The following LYPLA1 variants were observed in gnomAD, a reference collection of about 807,000 sequenced individuals.
LYPLA1 encodes the protein acyl-protein thioesterase 1.
Under a neutral mutation model 34.0 loss-of-function variants are expected in LYPLA1, and 17 were observed. That is an observed-to-expected ratio of 0.50 (90% confidence interval 0.34 to 0.75). The LOEUF is 0.75. Ranked by LOEUF, LYPLA1 falls within the 30% of genes least tolerant of loss-of-function variation. The pLI, the probability that LYPLA1 is intolerant of heterozygous loss-of-function variation, is 0.01. For missense variants in LYPLA1, 203 were observed against 288.8 expected (o/e 0.70, Z 2.15); for synonymous variants, 98 against 100.8 (o/e 0.97, Z 0.17).
At chr8:54,079,791 T>C (rs1240532762) in intron 2 of LYPLA1, among the ~76,000 whole-genome samples, 1 of 151,774 alleles carries the variant, frequency 6.6e-6, no homozygotes, top group African/African-American at 2.4e-5. Context: ...TGAGACCTCG[T>C]TTCCCCCTGA....
At chr8:54,094,684 AG>A (rs1809548083) in intron 2 of LYPLA1, among the ~76,000 whole-genome samples, 1 of 152,202 alleles carries the variant, frequency 6.6e-6, no homozygotes, top group South Asian at 2.1e-4. Flanking sequence ...AAAAGGAACC[AG>A]GGTTCTTGGA....
chr8:54,061,079 CA>C (rs1806589409), intron 5 of LYPLA1, among the ~76,000 whole-genome samples: 1 of 151,602 alleles, frequency 6.6e-6, no homozygotes, highest in Admixed American at 6.6e-5. Context: ...GATAACTGGC[CA>C]AAACTATTTT....
chr8:54,098,837 T>C (rs188843019), intron 2 of LYPLA1, among the ~76,000 whole-genome samples: 91 of 152,312 alleles, frequency 6.0e-4, no homozygotes, highest in Non-Finnish European at 1.2e-3. Context: ...GACTACAATA[T>C]CTTAAGTATT....
At chr8:54,096,158 C>A (rs748448450) in intron 2 of LYPLA1, among the ~76,000 whole-genome samples, 2 of 152,094 alleles carry the variant, frequency 1.3e-5, no homozygotes, top group Non-Finnish European at 2.9e-5. Flanking sequence ...TTTAATAGTT[C>A]AGAAATATTA....
At chr8:54,053,440 C>A in intron 6 of LYPLA1, 1 of 344,334 alleles carries the variant, frequency 2.9e-6, no homozygotes, top group Non-Finnish European at 5.8e-6. Flanking sequence ...ATAATAATAA[C>A]TATTTAGCAG....
intron 2 of LYPLA1, among the ~76,000 whole-genome samples, chr8:54,094,041 C>A (rs1809498560): frequency 6.6e-6 from 1 of 152,208 alleles, no homozygotes; most frequent in African/African-American, 2.4e-5. Flanking sequence ...ATTACGGTCA[C>A]AAAACATATC....
At chr8:54,072,616 T>C (rs1274216668) in intron 2 of LYPLA1, among the ~76,000 whole-genome samples, 2 of 151,406 alleles carry the variant, frequency 1.3e-5, no homozygotes, top group African/African-American at 4.9e-5. Context: ...GCTTCCACTT[T>C]ACTGTTAAAA....
At chr8:54,096,771 T>C (rs1219040095) in intron 2 of LYPLA1, among the ~76,000 whole-genome samples, 4 of 148,058 alleles carry the variant, frequency 2.7e-5, no homozygotes, top group Admixed American at 2.7e-4. Context: ...TAGCCGGGTG[T>C]GGCGGCACGC....
intron 2 of LYPLA1, among the ~76,000 whole-genome samples, chr8:54,099,788 A>T (rs1055893859): frequency 2.0e-5 from 3 of 151,340 alleles, no homozygotes; most frequent in Admixed American, 2.0e-4. Flanking sequence ...GGTTCAAGTG[A>T]TTCTCTTCTC....
At chr8:54,097,418 C>T (rs1017285048) in intron 2 of LYPLA1, among the ~76,000 whole-genome samples, 2 of 151,976 alleles carry the variant, frequency 1.3e-5, no homozygotes, top group Non-Finnish European at 2.9e-5. Context: ...GGAATTGTTC[C>T]AGATTAAAAG....
At chr8:54,052,236 A>T (rs959847817) in intron 7 of LYPLA1, among the ~76,000 whole-genome samples, 1 of 152,220 alleles carries the variant, frequency 6.6e-6, no homozygotes, top group African/African-American at 2.4e-5. Flanking sequence ...CTAATATAAG[A>T]TTTGTGACAA....
intron 8 of LYPLA1, among the ~76,000 whole-genome samples, chr8:54,050,026 G>A (rs1489054722): frequency 2.6e-5 from 4 of 152,062 alleles, no homozygotes; most frequent in Admixed American, 2.0e-4. Flanking sequence ...AGGCTAAACT[G>A]TAATGTGTCC....
intron 8 of LYPLA1, among the ~76,000 whole-genome samples, chr8:54,048,677 T>C (rs147157204): frequency 2.3e-3 from 348 of 152,278 alleles, no homozygotes; most frequent in African/African-American, 8.0e-3. Context: ...GGCTCAGTTT[T>C]CTCACCTCCC....
intron 2 of LYPLA1, among the ~76,000 whole-genome samples, chr8:54,092,967 C>A (rs1809419610): frequency 6.6e-6 from 1 of 152,120 alleles, no homozygotes; most frequent in African/African-American, 2.4e-5. Context: ...CATCCCCAAC[C>A]CCATTCATGT....
chr8:54,048,631 A>G (rs1423696500), intron 8 of LYPLA1, among the ~76,000 whole-genome samples: 1 of 152,214 alleles, frequency 6.6e-6, no homozygotes, highest in African/African-American at 2.4e-5. Context: ...AAGATTTATC[A>G]TAGAAGAAAC....
chr8:54,084,984 CCCT>C (rs1468709597), intron 2 of LYPLA1, among the ~76,000 whole-genome samples: 1 of 145,234 alleles, frequency 6.9e-6, no homozygotes. Context: ...CTCTCCCTCT[CCCT>C]CCTCTCCCTC....
At chr8:54,077,760 C>A (rs1424227456) in intron 2 of LYPLA1, among the ~76,000 whole-genome samples, 5 of 152,096 alleles carry the variant, frequency 3.3e-5, no homozygotes, top group African/African-American at 9.7e-5. Context: ...ACATATAATA[C>A]CATTTATCTG....
intron 2 of LYPLA1, among the ~76,000 whole-genome samples, chr8:54,082,287 C>A (rs1335807115): frequency 6.6e-6 from 1 of 152,192 alleles, no homozygotes; most frequent in Non-Finnish European, 1.5e-5. Context: ...GTTTTCCCCA[C>A]AACGCACACG....
intron 2 of LYPLA1, among the ~76,000 whole-genome samples, chr8:54,075,046 A>G (rs1807783683): frequency 6.6e-6 from 1 of 152,240 alleles, no homozygotes; most frequent in South Asian, 2.1e-4. Flanking sequence ...ATTCTCAAGG[A>G]CAAGCCATAG....
Sources: allele counts gnomAD v4.1 joint callset (sites outside exome capture counted in the v4.1 genomes callset), GRCh38; gene constraint gnomAD v4.1.1; transcripts MANE v1.5; gene names NCBI Gene and HGNC (gene_info 2026-07-23, HGNC 2026-07-21).